Variants in PINX1 observed in about 807,000 individuals in gnomAD.
PINX1 encodes PIN2 (TERF1) interacting telomerase inhibitor 1.
A neutral mutation model predicts 25.4 loss-of-function variants in PINX1; 34 were observed. That is an observed-to-expected ratio of 1.34 (90% CI 1.02 to 1.78). The LOEUF (loss-of-function observed/expected upper bound fraction) is 1.78. PINX1 is among the 40% of genes most tolerant of loss of function. The pLI is 0.00. For synonymous variants in PINX1, 197 were observed against 147.7 expected (o/e 1.33, Z -2.42); for missense variants, 592 against 404.9 (o/e 1.46, Z -3.97).
intron 1 of PINX1, among the ~76,000 whole-genome samples, chr8:10,835,101 G>A (rs1255761488): frequency 6.6e-6 from 1 of 152,176 alleles, no homozygotes; most frequent in Non-Finnish European, 1.5e-5. Context: ...AAGCACCTGT[G>A]GACACCAGCA....
intron 6 of PINX1, among the ~76,000 whole-genome samples, chr8:10,776,446 TAAAC>T (rs34577114): frequency 0.31 from 46,976 of 149,996 alleles, 8,069 homozygotes; most frequent in African/African-American, 0.41. Context: ...AATAAATAAA[TAAAC>T]AAACAAACAA....
At position 10,765,772 on chromosome 8, in the gene PINX1, G is replaced by C. The variant is rs768519713; in HGVS notation, c.616C>G (p.Gln206Glu). The C allele has an allele frequency of 1.2e-6, 2 of 1,613,826 alleles. No individual in the cohort carries two copies. Among genetic ancestry groups the C allele is most frequent in the Admixed American group, 1.7e-5 (1 of 60,018 alleles). ...PVPGSDISET[Q>E]VERKRGKKRN... is the part of the protein sequence containing the mutation. ...TTCTTCCCCCTTTTACGTTCCACCT[G>C]CGTCTCAGAAATGTCAGACCCTGGA... is the stretch of plus-strand genomic sequence containing the variant. Residue 206 changes from glutamine to glutamate, a missense_variant, in exon 7 of 7, where the codon CAG (glutamine) becomes GAG (glutamate). Gln to Glu is a conservative substitution (Grantham distance 29). Coordinates refer to ENST00000314787, the MANE Select transcript of PINX1 (RefSeq NM_017884.6).
At chr8:10,819,543 C>T (rs1797801661) in intron 6 of PINX1, among the ~76,000 whole-genome samples, 1 of 152,210 alleles carries the variant, frequency 6.6e-6, no homozygotes, top group Non-Finnish European at 1.5e-5. Context: ...CCAGGGCTGT[C>T]TCTTACACTT....
intron 6 of PINX1, among the ~76,000 whole-genome samples, chr8:10,807,623 T>G (rs1238643973): frequency 6.6e-6 from 1 of 152,122 alleles, no homozygotes; most frequent in African/African-American, 2.4e-5. Flanking sequence ...AACAGGTCTG[T>G]GCTAAGGACT....
At chr8:10,836,491 C>T (rs111437511) in intron 1 of PINX1, among the ~76,000 whole-genome samples, 5,111 of 152,236 alleles carry the variant, frequency 0.034, 108 homozygotes, top group Middle Eastern at 0.1. Flanking sequence ...AGGGCTTGTA[C>T]GAAGGAGACA....
chr8:10,782,303 C>A (rs1240950117), intron 6 of PINX1, among the ~76,000 whole-genome samples: 2 of 152,038 alleles, frequency 1.3e-5, no homozygotes, highest in Non-Finnish European at 2.9e-5. Flanking sequence ...TAACAGTGTA[C>A]TGTGTCAGGA....
chr8:10,829,215 G>A (rs946804211), intron 4 of PINX1, among the ~76,000 whole-genome samples: 45 of 151,536 alleles, frequency 3.0e-4, no homozygotes, highest in African/African-American at 1.0e-3. Flanking sequence ...GAACCCGGGA[G>A]GCGGAGGTTG....
At chr8:10,768,411 C>T (rs961813761) in intron 6 of PINX1, among the ~76,000 whole-genome samples, 12 of 152,186 alleles carry the variant, frequency 7.9e-5, no homozygotes, top group African/African-American at 2.7e-4. Context: ...AAATACAAGA[C>T]CATTTTTGAG....
At chr8:10,766,144 T>A (rs1313511917) in intron 6 of PINX1, among the ~76,000 whole-genome samples, 1 of 151,930 alleles carries the variant, frequency 6.6e-6, no homozygotes. Flanking sequence ...GGCCACACAC[T>A]CCGGCTGGGT....
chr8:10,780,858 A>C (rs1177864944), intron 6 of PINX1, among the ~76,000 whole-genome samples: 2 of 152,230 alleles, frequency 1.3e-5, no homozygotes, highest in Non-Finnish European at 2.9e-5. Context: ...AACAATTCTA[A>C]AATCCACATG....
rs147429790 is a variant in PINX1, at chr8:10,792,084, T to A, written c.472-26168A>T. Among the ~76,000 whole-genome samples the A allele has an allele frequency of 1.1e-3, 171 of 152,302 alleles. No individual in the cohort carries two copies. In the East Asian group the frequency reaches 0.029, roughly 26 times the overall value. The stretch of plus-strand genomic sequence containing the variant: ...AGCTTGTCTGTATTACGATCAGCTA[T>A]TGGAGTCTGAGTCTCTGGATAAAGG... On this transcript the variant is annotated intron_variant, in intron 6 of 6. Transcript: ENST00000314787.
At chr8:10,784,282 C>A (rs1440349352) in intron 6 of PINX1, among the ~76,000 whole-genome samples, 1 of 152,172 alleles carries the variant, frequency 6.6e-6, no homozygotes, top group Non-Finnish European at 1.5e-5. Flanking sequence ...GAAAGCACAT[C>A]ACACATTTTA....
intron 6 of PINX1, among the ~76,000 whole-genome samples, chr8:10,781,632 T>A (rs1461448797): frequency 1.3e-5 from 2 of 152,094 alleles, no homozygotes; most frequent in African/African-American, 4.8e-5. Context: ...AGAACCATCA[T>A]GAGATATCAT....
At chr8:10,828,558 G>A (rs745314637) in intron 4 of PINX1, among the ~76,000 whole-genome samples, 5 of 152,298 alleles carry the variant, frequency 3.3e-5, no homozygotes, top group Admixed American at 6.5e-5. Context: ...GAAGCACCAC[G>A]CCGTGCCCTC....
intron 6 of PINX1, among the ~76,000 whole-genome samples, chr8:10,802,922 A>G (rs1225587151): frequency 6.6e-6 from 1 of 152,240 alleles, no homozygotes; most frequent in Non-Finnish European, 1.5e-5. Context: ...GATTTAAGGA[A>G]GAAATAAACT....
intron 6 of PINX1, among the ~76,000 whole-genome samples, chr8:10,773,034 G>A (rs577464626): frequency 6.6e-6 from 1 of 151,676 alleles, no homozygotes; most frequent in Admixed American, 6.6e-5. Context: ...TTAAAGTTTT[G>A]AATTTCCTCA....
chr8:10,810,424 A>G (rs17152492), intron 6 of PINX1, among the ~76,000 whole-genome samples: 14,705 of 152,174 alleles, frequency 0.097, 1,077 homozygotes, highest in African/African-American at 0.21. Context: ...GCCTAGCTCA[A>G]CTTCCAATTC....
chr8:10,776,833 C>T (rs1043951686), intron 6 of PINX1, among the ~76,000 whole-genome samples: 3 of 152,172 alleles, frequency 2.0e-5, no homozygotes, highest in African/African-American at 4.8e-5. Flanking sequence ...TTGCCTTCTC[C>T]GCCAACCCTT....
chr8:10,820,023 C>T (rs1406931686), intron 6 of PINX1, among the ~76,000 whole-genome samples, 170 bp downstream of exon 6: 1 of 152,142 alleles, frequency 6.6e-6, no homozygotes, highest in African/African-American at 2.4e-5. Flanking sequence ...AAAACATTAT[C>T]TACCCACTAA....
Sources: allele counts gnomAD v4.1 joint callset (sites outside exome capture counted in the v4.1 genomes callset), GRCh38; gene constraint gnomAD v4.1.1; transcripts MANE v1.5; gene names NCBI Gene and HGNC (gene_info 2026-07-23, HGNC 2026-07-21).